Variants in WDR81 observed in about 807,000 individuals in gnomAD.
The protein encoded by WDR81 is WD repeat-containing protein 81.
Under a neutral mutation model 140.8 loss-of-function variants are expected in WDR81, and 92 were observed. The ratio of observed to expected loss-of-function variants is 0.65; its 90% CI spans 0.55 to 0.78. The LOEUF (loss-of-function observed/expected upper bound fraction) is 0.78. Ranked by LOEUF, WDR81 falls within the 30% of genes least tolerant of loss-of-function variation. The pLI is 0.00. For synonymous variants in WDR81, 1,183 were observed against 1,156.4 expected, an observed-to-expected ratio of 1.02 and a Z score of -0.47; for missense variants, 2,502 against 2,636.4, an observed-to-expected ratio of 0.95 and a Z score of 1.12.
At position 1,727,657 on chromosome 17, in the gene WDR81, G is replaced by A. The variant is rs1250268669; in HGVS notation, c.2698G>A (p.Glu900Lys). ...RRVEDEAQGR[E>K]LVFALWQQLG... is the part of the protein sequence containing the mutation. Reference sequence around the variant, plus strand: ...TGTGGAGGACGAGGCCCAGGGGCGCGAGCTGGTGTTTGCTCTGTGGCAGCA... The same window carrying A: ...TGTGGAGGACGAGGCCCAGGGGCGCAAGCTGGTGTTTGCTCTGTGGCAGCA... The change falls in exon 1 of 10, where the codon GAG (glutamate) becomes AAG (lysine). Residue 900 changes from glutamate to lysine, a missense_variant. By Grantham distance (56) the Glu-to-Lys change is moderately conservative. Coordinates refer to ENST00000409644, the MANE Select transcript of WDR81 (RefSeq NM_001163809.2). 5.8e-6 allele frequency: 9 copies of A among 1,550,536 alleles called. No homozygotes were observed. The highest frequency in any genetic ancestry group is 4.9e-5 in the East Asian group (2 of 40,924).
chr17:1,736,145 T>C lies in WDR81; in HGVS notation c.5432T>C (p.Val1811Ala). The C allele has an allele frequency of 6.2e-7, 1 of 1,601,934 alleles. No homozygotes were observed. The highest frequency in any genetic ancestry group is 8.5e-7 in the Non-Finnish European group (1 of 1,179,844). The change falls in exon 9 of 10, where the codon GTG becomes GCG. Residue 1811 changes from valine to alanine, a missense_variant. Val to Ala is a moderately conservative substitution (Grantham distance 64). Around this residue, in one of 3 missense-constraint regions of WDR81, gnomAD observed 1,737 missense variants for 1,843.0 expected, o/e 0.94. Coordinates refer to ENST00000409644, the MANE Select transcript of WDR81 (RefSeq NM_001163809.2). The part of the protein sequence containing the change: ...VVAGFSSGFM[V>A]LLDTRTGLVL... Reference sequence around the variant, plus strand: ...GCCGGCTTCTCCTCAGGCTTCATGGTGCTCCTGGACACCCGCACAGGCCTG... The same window carrying C: ...GCCGGCTTCTCCTCAGGCTTCATGGCGCTCCTGGACACCCGCACAGGCCTG...
In WDR81 at chr17:1,736,146, G is replaced by C. The variant is rs773934266; in HGVS notation, c.5433G>C (p.Val1811=). The change falls in exon 9 of 10, where the codon GTG becomes GTC. Residue 1811 remains valine, a synonymous_variant. Transcript: ENST00000409644. ...VVAGFSSGFM[V]LLDTRTGLVL... is the part of the protein sequence containing the mutation. ...CCGGCTTCTCCTCAGGCTTCATGGT[G>C]CTCCTGGACACCCGCACAGGCCTGG... 6.2e-7 allele frequency: 1 copy of C among 1,601,942 alleles called. No homozygotes were observed. The highest frequency in any genetic ancestry group is 2.2e-5 in the East Asian group (1 of 44,862).
Position 1,735,464 on chromosome 17 carries a change from T to A in WDR81, c.5180-108T>A, listed in dbSNP as rs1450294049. 8 of 1,156,094 alleles carry A rather than the reference T, an allele frequency of 6.9e-6. No individual in the cohort carries two copies. Among genetic ancestry groups the A allele is most frequent in the Admixed American group, 6.3e-5 (2 of 31,734 alleles). The allele number at this position is 1,156,094 out of a possible 1,614,324, so 71.6% of individuals were successfully genotyped here. On this transcript the variant is annotated intron_variant, in intron 7 of 9. Coordinates refer to ENST00000409644, the MANE Select transcript of WDR81 (RefSeq NM_001163809.2). The surrounding 1 kb of genome is among the most constrained non-coding windows in gnomAD (Gnocchi z 4.2). ...AAACATCTTTAGCATTTTCTAAGGA[T>A]CCCTGGGGGACGGGAGGCAGGTGTG...
Position 1,732,658 on chromosome 17 carries a change from G to C in WDR81, c.4324-8G>C. On this transcript the variant is annotated splice_polypyrimidine_tract_variant and splice_region_variant and intron_variant, in intron 5 of 9. Coordinates refer to ENST00000409644, the MANE Select transcript of WDR81 (RefSeq NM_001163809.2). The stretch of plus-strand genomic sequence containing the variant: ...ACCCGGCTGACCCCCTGGGTGTCTT[G>C]CTCATAGGATCTGAAGCTGGACCCT... The C allele has an allele frequency of 6.3e-7, 1 of 1,597,294 alleles. No homozygotes were observed. Among genetic ancestry groups the C allele is most frequent in the Non-Finnish European group, 8.5e-7 (1 of 1,170,796 alleles).
rs760860704 is a variant in WDR81 at position 1,728,574 on chromosome 17, G to A, written c.3615G>A (p.Glu1205=). Residue 1205 remains glutamate, a synonymous_variant, in exon 1 of 10, where the codon GAG becomes GAA. Transcript: ENST00000409644. ...AGGSGGDGEE[E]EEALPEQSEG... ...GCAGTGGGGGAGATGGAGAAGAAGA[G>A]GAGGAGGCACTGCCTGAGCAGTCAG... The A allele has an allele frequency of 3.8e-5, 58 of 1,510,500 alleles. No individual in the cohort carries two copies. The highest frequency in any genetic ancestry group is 5.1e-5 in the South Asian group (4 of 78,480). 93.6% of individuals were successfully genotyped at this position (1,510,500 alleles called of 1,614,324 possible).
At position 1,738,140 on chromosome 17, in the gene WDR81, G is replaced by C. The variant is rs534075635; in HGVS notation, c.*455G>C. ...CTGGTCCAGGGCACTGATGGTGCTT[G>C]GATTCCAGCCTAAGGAAGGCTGGCC... is the stretch of plus-strand genomic sequence containing the variant. On this transcript the variant is annotated 3_prime_UTR_variant, in exon 10 of 10. Transcript: ENST00000409644. The C allele has an allele frequency of 5.5e-4, 101 of 182,442 alleles. No individual in the cohort carries two copies. The South Asian group carries it at 0.012, about 22-fold the overall frequency. 11.3% of individuals were successfully genotyped at this position (182,442 alleles called of 1,614,324 possible).
rs1458236924 is a variant in WDR81, at chr17:1,727,533, C to T, written c.2574C>T (p.Pro858=). The T allele has an allele frequency of 1.9e-6, 3 of 1,550,326 alleles. No individual in the cohort carries two copies. The highest frequency in any genetic ancestry group is 2.6e-6 in the Non-Finnish European group (3 of 1,147,008). The change falls in exon 1 of 10, where the codon CCC becomes CCT. Residue 858 remains proline, a synonymous_variant. Transcript: ENST00000409644. ...YRPVSQGLPP[P]CPSQLLSPFS... Reference sequence around the variant, plus strand: ...CTGTCTCCCAGGGCCTGCCCCCACCCTGCCCAAGCCAGCTTCTCAGCCCCT... The same window carrying T: ...CTGTCTCCCAGGGCCTGCCCCCACCTTGCCCAAGCCAGCTTCTCAGCCCCT...
rs1322124578 is a variant in WDR81 at position 1,736,230 on chromosome 17, G to T, written c.5505+12G>T. 1.3e-6 allele frequency: 2 copies of T among 1,591,148 alleles called. No homozygotes were observed. The highest frequency in any genetic ancestry group is 1.7e-6 in the Non-Finnish European group (2 of 1,175,624). On this transcript the variant is annotated intron_variant, in intron 9 of 9. Coordinates refer to ENST00000409644, the MANE Select transcript of WDR81 (RefSeq NM_001163809.2). ...TTCTGCAGATCAAGGTGACGGGCCG[G>T]GTCTCCCTCCCCTTGCTGCCCAACC...
rs1417678915 is a variant in WDR81, at chr17:1,728,247, G to T, written c.3288G>T (p.Gln1096His). The T allele has an allele frequency of 3.1e-6, 5 of 1,611,556 alleles. No homozygotes were observed. Among genetic ancestry groups the T allele is most frequent in the Non-Finnish European group, 3.4e-6 (4 of 1,179,176 alleles). The part of the protein sequence containing the change: ...QAGLYVTESP[Q>H]PQEAEAVSLG... ...GGCTCTATGTGACTGAGTCTCCCCA[G>T]CCCCAGGAGGCTGAGGCTGTGAGCC... is the stretch of plus-strand genomic sequence containing the variant. Residue 1096 changes from glutamine to histidine, a missense_variant, in exon 1 of 10, where the codon CAG becomes CAT. Physicochemically the swap from Gln to His is conservative, Grantham distance 24. Transcript: ENST00000409644.
chr17:1,725,577 C>CT lies in WDR81; in HGVS notation c.619dup (p.Cys207LeufsTer11). ...GCCCTTCATATGCCAGAGAAGGCCC[C>CT]TGCCCCCCTCGGGGCAGCCCTGCTT... On this transcript the variant is annotated frameshift_variant, in exon 1 of 10. Transcript: ENST00000409644. LOFTEE classifies it high-confidence loss of function. 1 of 1,545,200 alleles carries CT rather than the reference C, an allele frequency of 6.5e-7. No individual in the cohort carries two copies. The highest frequency in any genetic ancestry group is 8.7e-7 in the Non-Finnish European group (1 of 1,146,962).
At position 1,725,755 on chromosome 17, in the gene WDR81, C is replaced by T. The variant is rs764282948; in HGVS notation, c.796C>T (p.Arg266Cys). The change falls in exon 1 of 10, where the codon CGC becomes TGC. Residue 266 changes from arginine to cysteine, a missense_variant. Physicochemically the swap from Arg to Cys is radical, Grantham distance 180. Coordinates refer to ENST00000409644, the MANE Select transcript of WDR81 (RefSeq NM_001163809.2). ...GGCCAAGGTGCTGTTCATTCTCTTC[C>T]GCGTGCTGAGGGCTATGGACGCCTG... Reference protein sequence around the residue: ...SQAKVLFILFRVLRAMDACHR... With the variant: ...SQAKVLFILFCVLRAMDACHR... The T allele has an allele frequency of 4.3e-5, 66 of 1,550,524 alleles. No homozygotes were observed. The highest frequency in any genetic ancestry group is 5.6e-5 in the Non-Finnish European group (64 of 1,147,034).
Position 1,737,849 on chromosome 17 carries a change from C to A in WDR81, c.*164C>A. 2.3e-6 allele frequency: 2 copies of A among 887,248 alleles called. No homozygotes were observed. Among genetic ancestry groups the A allele is most frequent in the Non-Finnish European group, 3.3e-6 (2 of 599,910 alleles). 55.0% of individuals were successfully genotyped at this position (887,248 alleles called of 1,614,324 possible). A position where few individuals can be genotyped will look rare whatever the true frequency, so the allele number is the denominator to read the frequency against. ...GGGCCTGCAAATGGAGTGGGGGAGT[C>A]CTGGCCCCTGAATCACCAGAGCCAC... is the stretch of plus-strand genomic sequence containing the variant. On this transcript the variant is annotated 3_prime_UTR_variant, in exon 10 of 10. Coordinates refer to ENST00000409644, the MANE Select transcript of WDR81 (RefSeq NM_001163809.2).
At position 1,737,976 on chromosome 17, in the gene WDR81, C is replaced by G. The variant is rs1404569383; in HGVS notation, c.*291C>G. The G allele has an allele frequency of 7.6e-6, 4 of 525,244 alleles. No individual in the cohort carries two copies. Among genetic ancestry groups the G allele is most frequent in the Non-Finnish European group, 1.4e-5 (4 of 293,538 alleles). The allele number at this position is 525,244 out of a possible 1,614,324, so 32.5% of individuals were successfully genotyped here. On this transcript the variant is annotated 3_prime_UTR_variant, in exon 10 of 10. Transcript: ENST00000409644. ...AAGCGTTGCTACCTTCACTTCTCCC[C>G]AGCTCTGCCCTCTGGGTCCACATGA...
At position 1,726,749 on chromosome 17, in the gene WDR81, C is replaced by T. The variant is rs1915303279; in HGVS notation, c.1790C>T (p.Ala597Val). 2.6e-6 allele frequency: 4 copies of T among 1,547,580 alleles called. No individual in the cohort carries two copies. The highest frequency in any genetic ancestry group is 1.7e-6 in the Non-Finnish European group (2 of 1,146,362). Reference protein sequence around the residue: ...PHPQRLAGAPALAPEPPLIPK... With the variant: ...PHPQRLAGAPVLAPEPPLIPK... ...CCCCAGCGCCTGGCTGGGGCTCCTG[C>T]CCTTGCCCCCGAGCCTCCCCTCATC... Residue 597 changes from alanine (A) to valine (V), a missense_variant, in exon 1 of 10, where the codon GCC becomes GTC. Ala to Val is a moderately conservative substitution (Grantham distance 64). Coordinates refer to ENST00000409644, the MANE Select transcript of WDR81 (RefSeq NM_001163809.2).
Position 1,738,390 on chromosome 17 carries a change from C to T in WDR81, c.*705C>T, listed in dbSNP as rs1365272840. On this transcript the variant is annotated 3_prime_UTR_variant, in exon 10 of 10. Transcript: ENST00000409644. Reference sequence around the variant, plus strand: ...GGGGCAGCCTCTGGGCCCTGAACCCCTGCTGGGGCTCCACGACCCTGAGAG... The same window carrying T: ...GGGGCAGCCTCTGGGCCCTGAACCCTTGCTGGGGCTCCACGACCCTGAGAG... The T allele has an allele frequency of 6.5e-6, 1 of 153,300 alleles. No homozygotes were observed. The highest frequency in any genetic ancestry group is 1.5e-5 in the Non-Finnish European group (1 of 68,730). 9.5% of individuals were successfully genotyped at this position (153,300 alleles called of 1,614,324 possible).
At position 1,727,001 on chromosome 17, in the gene WDR81, C is replaced by G; in HGVS notation, c.2042C>G (p.Ser681Cys). ...LAGKAGDQLG[S>C]SSQASPGLLS... ...GGGAAAGCAGGTGACCAGCTGGGCT[C>G]CTCCAGTCAAGCGTCCCCTGGACTT... The change falls in exon 1 of 10, where the codon TCC becomes TGC. Residue 681 changes from serine to cysteine, a missense_variant. Around this residue, in one of 3 missense-constraint regions of WDR81, gnomAD observed 1,737 missense variants for 1,843.0 expected, o/e 0.94. Coordinates refer to ENST00000409644, the MANE Select transcript of WDR81 (RefSeq NM_001163809.2). 1 of 1,550,400 alleles carries G rather than the reference C, an allele frequency of 6.4e-7. No homozygotes were observed. The highest frequency in any genetic ancestry group is 8.7e-7 in the Non-Finnish European group (1 of 1,146,982).
chr17:1,726,687 C>T lies in WDR81; in HGVS notation c.1728C>T (p.Ala576=), dbSNP rs1597287736. Residue 576 remains alanine (A), a synonymous_variant, in exon 1 of 10, where the codon GCC becomes GCT. Transcript: ENST00000409644. ...TGGTGGACGCCCACACTCACCTGGC[C>T]AGCTACGGGGTGGTGCAGCTCTTCG... ...LHLVDAHTHL[A]SYGVVQLFDQ... 1.3e-6 allele frequency: 2 copies of T among 1,549,824 alleles called. No individual in the cohort carries two copies. Among genetic ancestry groups the T allele is most frequent in the Non-Finnish European group, 1.7e-6 (2 of 1,146,964 alleles).
chr17:1,727,095 G>A lies in WDR81; in HGVS notation c.2136G>A (p.Gly712=), dbSNP rs543853235. Residue 712 remains glycine (G), a synonymous_variant, in exon 1 of 10, where the codon GGG becomes GGA. Transcript: ENST00000409644. ...RRNKAAGADP[G]EGEEGRILLP... is the part of the protein sequence containing the mutation. ...ATAAAGCTGCTGGGGCAGACCCTGG[G>A]GAGGGTGAGGAGGGGAGGATTCTTC... The A allele has an allele frequency of 1.4e-3, 2,175 of 1,548,150 alleles. 6 individuals are homozygous for A. Among genetic ancestry groups the A allele is most frequent in the Middle Eastern group, 5.4e-3 (32 of 5,980 alleles).
Position 1,732,313 on chromosome 17 carries a change from C to T in WDR81, c.4158-12C>T, listed in dbSNP as rs1274550736. ...AGAACGGCGGGCTGGAGCTCATGAG[C>T]TCTGTTTCCAGGTTCCCAAGTGGGG... On this transcript the variant is annotated splice_polypyrimidine_tract_variant and intron_variant, in intron 4 of 9. Transcript: ENST00000409644. The T allele has an allele frequency of 6.2e-7, 1 of 1,612,296 alleles. No individual in the cohort carries two copies. Among genetic ancestry groups the T allele is most frequent in the Non-Finnish European group, 8.5e-7 (1 of 1,179,584 alleles).
Sources: gnomAD v4.1 joint callset for allele counts on GRCh38, gnomAD v4.1.1 for gene constraint, gnomAD v4.1.1 regional missense constraint, Gnocchi (gnomAD v3.1) non-coding constraint, MANE v1.5 for transcripts, NCBI Gene and HGNC (gene_info 2026-07-23, HGNC 2026-07-21) for gene names.